FUT8: variants seen among roughly 807,000 people sequenced by gnomAD.
FUT8 encodes the protein alpha-(1,6)-fucosyltransferase.
In FUT8, 29 loss-of-function variants were observed where a neutral mutation model predicts 71.3. The observed-to-expected ratio is 0.41, with a 90% CI of 0.30 to 0.55. The LOEUF is 0.55. Among genes scored for constraint, FUT8 ranks in the 20% least tolerant of loss-of-function variants. The pLI is 0.34. For synonymous variants in FUT8, 254 were observed against 239.3 expected, an observed-to-expected ratio of 1.06 and a Z score of -0.57; for missense variants, 544 against 702.1, an observed-to-expected ratio of 0.77 and a Z score of 2.55.
Position 65,467,773 on chromosome 14 carries a change from C to T in FUT8, c.-228+12055C>T. On this transcript the variant is annotated intron_variant, in intron 2 of 10. Transcript: ENST00000673929. The surrounding 1 kb of genome is among the most constrained non-coding windows in gnomAD (Gnocchi z 4.1). The stretch of plus-strand genomic sequence containing the variant: ...ACAGGTGTGAGCCACCGTGCCCAGC[C>T]AGTCTAGAGGTCTTTTATTTTTTTT... 1 of 646,484 alleles carries T rather than the reference C, an allele frequency of 1.5e-6. No individual in the cohort carries two copies. Among genetic ancestry groups the T allele is most frequent in the Non-Finnish European group, 2.9e-6 (1 of 343,314 alleles). The allele number at this position is 646,484 out of a possible 1,614,324, so 40.0% of individuals were successfully genotyped here. A position where few individuals can be genotyped will look rare whatever the true frequency, so the allele number is the denominator to read the frequency against.
chr14:65,379,793 G>A, the FUT8 span, among the ~76,000 whole-genome samples: 1 of 152,212 alleles, frequency 6.6e-6, no homozygotes, highest in African/African-American at 2.4e-5. Context: ...TAGGGGCTGG[G>A]AAGTCCAAGA....
At chr14:65,636,553 C>T (rs960634246) in intron 6 of FUT8, 1 of 152,152 alleles carries the variant, frequency 6.6e-6, no homozygotes, top group Admixed American at 6.5e-5. Flanking sequence ...TCGTTACTGT[C>T]ATTCAGTTCA....
At chr14:65,602,865 G>A (rs980445251) in intron 3 of FUT8, among the ~76,000 whole-genome samples, 24 of 151,800 alleles carry the variant, frequency 1.6e-4, no homozygotes, top group African/African-American at 5.6e-4. Context: ...TTTTTGATGC[G>A]ATTGTTTTTT....
At chr14:65,477,397 C>T (rs553467817) in intron 2 of FUT8, among the ~76,000 whole-genome samples, 4 of 152,264 alleles carry the variant, frequency 2.6e-5, no homozygotes, top group African/African-American at 9.6e-5. Flanking sequence ...ACCTTGGGGC[C>T]ACCTTGAGCT....
At chr14:65,490,750 A>G (rs780263866) in intron 2 of FUT8, among the ~76,000 whole-genome samples, 42 of 152,142 alleles carry the variant, frequency 2.8e-4, no homozygotes, top group Non-Finnish European at 5.1e-4. Context: ...TCTGGTTTTT[A>G]GTTAATCAGT....
chr14:65,408,635 G>A (rs2065096226), upstream of FUT8, among the ~76,000 whole-genome samples: 1 of 152,174 alleles, frequency 6.6e-6, no homozygotes, highest in Non-Finnish European at 1.5e-5. Context: ...AATCAATAGT[G>A]TGAACTATAT....
At chr14:65,372,899 C>T in the FUT8 span, among the ~76,000 whole-genome samples, 9 of 152,088 alleles carry the variant, frequency 5.9e-5, no homozygotes, top group African/African-American at 1.9e-4. Flanking sequence ...CCTCACATAC[C>T]TGGTGTGTTC....
chr14:65,395,819 T>C, the FUT8 span, among the ~76,000 whole-genome samples: 1 of 152,278 alleles, frequency 6.6e-6, no homozygotes, highest in Non-Finnish European at 1.5e-5. Flanking sequence ...TTTTCTTTTC[T>C]ATCACATTGT....
chr14:65,589,860 A>G (rs1488658064), intron 3 of FUT8, among the ~76,000 whole-genome samples: 1 of 152,156 alleles, frequency 6.6e-6, no homozygotes, highest in African/African-American at 2.4e-5. Context: ...TTTTGACACA[A>G]CAAGAGATTT....
intron 7 of FUT8, among the ~76,000 whole-genome samples, chr14:65,720,377 G>A (rs1027353635): frequency 6.6e-6 from 1 of 152,346 alleles, no homozygotes; most frequent in Admixed American, 6.5e-5. Context: ...GCTCCCTTCT[G>A]GCCCAGGCAG....
At chr14:65,629,441 C>A in intron 5 of FUT8, 51 bp from the exon 6 acceptor site, 1 of 1,128,372 alleles carries the variant, frequency 8.9e-7, no homozygotes, top group Non-Finnish European at 1.3e-6. Context: ...TTGTGTAATC[C>A]AGTGAAGCAG....
chr14:65,473,333 C>G (rs1407220069), intron 2 of FUT8, among the ~76,000 whole-genome samples: 3 of 152,128 alleles, frequency 2.0e-5, no homozygotes, highest in African/African-American at 7.2e-5. Flanking sequence ...CTCTGTTTCT[C>G]TTTTTGTCTG....
At chr14:65,375,927 C>T in the FUT8 span, among the ~76,000 whole-genome samples, 26 of 142,480 alleles carry the variant, frequency 1.8e-4, no homozygotes, top group East Asian at 5.9e-3. Context: ...TCCGTCTCTA[C>T]AAAAAACACA....
intron 5 of FUT8, among the ~76,000 whole-genome samples, chr14:65,617,457 A>T (rs1456206138): frequency 6.6e-6 from 1 of 152,174 alleles, no homozygotes; most frequent in Non-Finnish European, 1.5e-5. Context: ...TAATTCTGTC[A>T]TTAATATTTC....
At chr14:65,426,324 T>G (rs1352457405) in intron 1 of FUT8, among the ~76,000 whole-genome samples, 1 of 151,590 alleles carries the variant, frequency 6.6e-6, no homozygotes, top group East Asian at 1.9e-4. Context: ...TCCACCTTTT[T>G]AAAGTTTTTT....
intron 2 of FUT8, among the ~76,000 whole-genome samples, chr14:65,479,522 A>G (rs893815944): frequency 6.6e-6 from 1 of 152,012 alleles, no homozygotes. Context: ...TCCATAATTT[A>G]CTGATGTCTG....
intron 5 of FUT8, among the ~76,000 whole-genome samples, chr14:65,620,110 T>C (rs1180158660): frequency 6.6e-6 from 1 of 152,190 alleles, no homozygotes; most frequent in East Asian, 1.9e-4. Context: ...ATGAAAAGGG[T>C]ACCAAAGCTG....
At chr14:65,423,031 G>C in intron 1 of FUT8, among the ~76,000 whole-genome samples, 1 of 148,562 alleles carries the variant, frequency 6.7e-6, no homozygotes, top group East Asian at 2.0e-4. Context: ...TGTCACCCAG[G>C]CTGGAGTGCA....
chr14:65,389,176 T>C, the FUT8 span, among the ~76,000 whole-genome samples: 1 of 144,054 alleles, frequency 6.9e-6, no homozygotes, highest in Non-Finnish European at 1.5e-5. Flanking sequence ...TATATACATA[T>C]ATATATAAAA....
Sources: gnomAD v4.1 joint callset for allele counts (sites outside exome capture counted in the v4.1 genomes callset) on GRCh38, gnomAD v4.1.1 for gene constraint, Gnocchi (gnomAD v3.1) non-coding constraint, MANE v1.5 for transcripts, NCBI Gene and HGNC (gene_info 2026-07-23, HGNC 2026-07-21) for gene names.